SYT10: variants seen among roughly 807,000 people sequenced by gnomAD.
The protein encoded by SYT10 is synaptotagmin-10.
Under a neutral mutation model 51.1 loss-of-function variants are expected in SYT10, and 31 were observed. The ratio of observed to expected loss-of-function variants is 0.61; its 90% CI spans 0.46 to 0.82. SYT10 has a LOEUF of 0.82. Ranked by LOEUF, SYT10 falls within the 40% of genes least tolerant of loss-of-function variation. SYT10 has a pLI of 0.00. For synonymous variants in SYT10, 233 were observed against 225.9 expected (o/e 1.03, Z -0.28); for missense variants, 603 against 634.0 (o/e 0.95, Z 0.53).
intron 3 of SYT10, among the ~76,000 whole-genome samples, chr12:33,393,379 TA>T (rs1565492548): frequency 6.6e-6 from 1 of 152,176 alleles, no homozygotes; most frequent in African/African-American, 2.4e-5. Flanking sequence ...CATTTACAGA[TA>T]GGGGCATGAA....
chr12:33,421,033 T>C (rs1457016544), intron 2 of SYT10, among the ~76,000 whole-genome samples: 1 of 152,202 alleles, frequency 6.6e-6, no homozygotes, highest in Non-Finnish European at 1.5e-5. Context: ...TTAGCATAGA[T>C]AATTTCAATT....
Position 33,376,537 on chromosome 12 carries a change from A to G in SYT10, c.*293T>C. On this transcript the variant is annotated 3_prime_UTR_variant, in exon 7 of 7. Transcript: ENST00000228567. ...TTTAGGTAAGTATGAACTGTTTAAA[A>G]AAACATTTCATATGCAAAGAATTAC... 2.6e-6 allele frequency: 1 copy of G among 386,876 alleles called. No individual in the cohort carries two copies. Among genetic ancestry groups the G allele is most frequent in the East Asian group, 4.5e-5 (1 of 22,238 alleles). The allele number at this position is 386,876 out of a possible 1,614,324, so 24.0% of individuals were successfully genotyped here.
chr12:33,415,235 A>G (rs1319177725), intron 2 of SYT10, among the ~76,000 whole-genome samples: 1 of 152,216 alleles, frequency 6.6e-6, no homozygotes, highest in Non-Finnish European at 1.5e-5. Flanking sequence ...TTTGAGATTA[A>G]ATGATATATT....
chr12:33,410,171 T>C (rs1359270263), intron 2 of SYT10, among the ~76,000 whole-genome samples: 1 of 152,214 alleles, frequency 6.6e-6, no homozygotes, highest in Non-Finnish European at 1.5e-5. Context: ...TGTGATTCTC[T>C]TTCATTCTAT....
intron 3 of SYT10, among the ~76,000 whole-genome samples, chr12:33,402,506 T>A (rs1866315384): frequency 6.6e-6 from 1 of 152,214 alleles, no homozygotes; most frequent in South Asian, 2.1e-4. Context: ...AACAATTATA[T>A]AATAATTTAC....
Position 33,439,406 on chromosome 12 carries a change from A to T in SYT10, c.117T>A (p.Pro39=). 1.2e-6 allele frequency: 2 copies of T among 1,614,012 alleles called. No individual in the cohort carries two copies. The highest frequency in any genetic ancestry group is 1.7e-6 in the Non-Finnish European group (2 of 1,179,994). The change falls in exon 1 of 7, where the codon CCT becomes CCA. Residue 39 remains proline, a synonymous_variant. Transcript: ENST00000228567. ...VEWEKCSGIF[P]RDRGSQGGSS... is the part of the protein sequence containing the mutation. ...TTCCGCCCTGGCTGCCCCTGTCCCG[A>T]GGGAAGATGCCCGAGCACTTCTCCC...
chr12:33,439,705 G>T lies in SYT10; in HGVS notation c.-183C>A. On this transcript the variant is annotated 5_prime_UTR_variant, in exon 1 of 7. Transcript: ENST00000228567. ...CGTTGGCCCCATGGCGGGAGCGGAG[G>T]GCGTAGGGGAAGGAGAGGCGCGCGA... The T allele has an allele frequency of 4.2e-6, 3 of 705,890 alleles. No homozygotes were observed. Among genetic ancestry groups the T allele is most frequent in the Non-Finnish European group, 6.7e-6 (3 of 447,690 alleles). 43.7% of individuals were successfully genotyped at this position (705,890 alleles called of 1,614,324 possible).
intron 3 of SYT10, among the ~76,000 whole-genome samples, chr12:33,403,360 T>C (rs1474907848): frequency 1.3e-5 from 2 of 151,558 alleles, no homozygotes; most frequent in South Asian, 2.1e-4. Flanking sequence ...GCCTCCCAAA[T>C]AGCTGGGACT....
At chr12:33,383,861 T>G (rs775461413) in intron 4 of SYT10, among the ~76,000 whole-genome samples, 18 of 152,178 alleles carry the variant, frequency 1.2e-4, no homozygotes, top group Non-Finnish European at 1.9e-4. Context: ...ATCTTGCACT[T>G]AATTATAACT....
At chr12:33,408,648 A>G (rs1201346595) in intron 2 of SYT10, among the ~76,000 whole-genome samples, 2 of 152,130 alleles carry the variant, frequency 1.3e-5, no homozygotes, top group Non-Finnish European at 2.9e-5. Flanking sequence ...CTTGAATCTG[A>G]TGGTTTCTCA....
chr12:33,393,538 T>C (rs753910049), intron 3 of SYT10, among the ~76,000 whole-genome samples: 1 of 152,202 alleles, frequency 6.6e-6, no homozygotes, highest in African/African-American at 2.4e-5. Flanking sequence ...TTAGAGTCTA[T>C]CTTAAATTGA....
At chr12:33,426,619 A>C (rs1250357869) in intron 1 of SYT10, 124 bp from the exon 2 acceptor site, 2 of 911,658 alleles carry the variant, frequency 2.2e-6, no homozygotes, top group Non-Finnish European at 3.2e-6. Flanking sequence ...ACTCAATTTT[A>C]AGTTATCTTT....
intron 1 of SYT10, among the ~76,000 whole-genome samples, chr12:33,431,521 TAAC>T (rs940262185): frequency 1.3e-5 from 2 of 152,186 alleles, no homozygotes; most frequent in African/African-American, 4.8e-5. Flanking sequence ...CAATAAATGA[TAAC>T]AATTACATTA....
At chr12:33,386,950 T>C (rs1229291581) in intron 3 of SYT10, among the ~76,000 whole-genome samples, 4 of 152,224 alleles carry the variant, frequency 2.6e-5, no homozygotes, top group Non-Finnish European at 5.9e-5. Context: ...TTTGACTGCA[T>C]AGATGGTGGA....
At chr12:33,379,473 C>T (rs1221348411) in intron 6 of SYT10, among the ~76,000 whole-genome samples, 1 of 121,202 alleles carries the variant, frequency 8.3e-6, no homozygotes, top group East Asian at 2.8e-4. Flanking sequence ...AAGAGAAGGA[C>T]AAAAATGCAG....
intron 2 of SYT10, among the ~76,000 whole-genome samples, chr12:33,422,492 A>G (rs1044704006): frequency 2.6e-5 from 4 of 152,068 alleles, no homozygotes; most frequent in African/African-American, 9.7e-5. Context: ...CTCTGCTACA[A>G]ATATTTTTTT....
intron 1 of SYT10, among the ~76,000 whole-genome samples, chr12:33,435,672 AATG>A (rs1434713735): frequency 2.0e-5 from 3 of 152,196 alleles, no homozygotes; most frequent in East Asian, 3.8e-4. Flanking sequence ...GTGATTAAAA[AATG>A]ATAACTCAAT....
chr12:33,388,410 G>T (rs186564696), intron 3 of SYT10, among the ~76,000 whole-genome samples: 2 of 152,026 alleles, frequency 1.3e-5, no homozygotes, highest in Non-Finnish European at 2.9e-5. Context: ...AATGAGTAAG[G>T]CTTTGAGTTT....
At chr12:33,403,936 AC>A (rs1272770077) in intron 3 of SYT10, among the ~76,000 whole-genome samples, 1 of 152,212 alleles carries the variant, frequency 6.6e-6, no homozygotes, top group African/African-American at 2.4e-5. Context: ...ATGTTCCCAA[AC>A]AAAAACCCAG....
Sources: gnomAD v4.1 joint callset for allele counts (sites outside exome capture counted in the v4.1 genomes callset) on GRCh38, gnomAD v4.1.1 for gene constraint, MANE v1.5 for transcripts, NCBI Gene and HGNC (gene_info 2026-07-23, HGNC 2026-07-21) for gene names.